Variants in AGBL4 observed in about 807,000 individuals in gnomAD.
AGBL4 encodes cytosolic carboxypeptidase 6.
A neutral mutation model predicts 66.4 loss-of-function variants in AGBL4; 58 were observed. The observed-to-expected ratio is 0.87, with a 90% CI of 0.71 to 1.09. The LOEUF is 1.09. Among genes scored for constraint, AGBL4 ranks in the 50% least tolerant of loss-of-function variants. The probability of loss-of-function intolerance (pLI) is 0.00; values close to 1 mark genes in which losing one functional copy is unlikely to be tolerated. For synonymous variants in AGBL4, 234 were observed against 222.9 expected (o/e 1.05, Z -0.44); for missense variants, 579 against 631.0 (o/e 0.92, Z 0.88).
At chr1:49,762,964 G>A (rs534154408) in intron 2 of AGBL4, among the ~76,000 whole-genome samples, 24 of 152,092 alleles carry the variant, frequency 1.6e-4, no homozygotes, top group Non-Finnish European at 2.2e-4. Context: ...CCAGCCCAGC[G>A]TCATAAAGTA....
intron 3 of AGBL4, among the ~76,000 whole-genome samples, chr1:49,466,785 A>C (rs978754337): frequency 4.0e-5 from 6 of 151,756 alleles, no homozygotes; most frequent in African/African-American, 1.5e-4. Flanking sequence ...AGAAAGACTT[A>C]ATTACTTCTG....
chr1:49,807,034 G>A (rs192569276), intron 2 of AGBL4, among the ~76,000 whole-genome samples: 1 of 152,296 alleles, frequency 6.6e-6, no homozygotes, highest in Admixed American at 6.5e-5. Context: ...AGATTTTGGA[G>A]GATGGAGCCT....
At chr1:49,489,489 C>T (rs1647143017) in intron 3 of AGBL4, among the ~76,000 whole-genome samples, 1 of 151,698 alleles carries the variant, frequency 6.6e-6, no homozygotes, top group Admixed American at 6.6e-5. Context: ...TGGTTTCCCT[C>T]TCCACTTTCT....
intron 4 of AGBL4, among the ~76,000 whole-genome samples, chr1:49,132,622 T>A (rs1462185717): frequency 6.6e-6 from 1 of 152,154 alleles, no homozygotes; most frequent in Non-Finnish European, 1.5e-5. Flanking sequence ...TTTGCCTTCA[T>A]GATACAGATC....
intron 9 of AGBL4, among the ~76,000 whole-genome samples, chr1:48,596,885 C>T (rs1645002429): frequency 6.6e-6 from 1 of 152,074 alleles, no homozygotes; most frequent in African/African-American, 2.4e-5. Flanking sequence ...AAGGAACAAC[C>T]ACGTAAGAAA....
intron 3 of AGBL4, among the ~76,000 whole-genome samples, chr1:49,420,041 A>G (rs1645509595): frequency 6.6e-6 from 1 of 152,188 alleles, no homozygotes; most frequent in Non-Finnish European, 1.5e-5. Flanking sequence ...TATAAACACA[A>G]TGAAGTTTAA....
chr1:48,802,448 T>C (rs1272379983), intron 6 of AGBL4, among the ~76,000 whole-genome samples: 2 of 152,022 alleles, frequency 1.3e-5, no homozygotes, highest in Non-Finnish European at 2.9e-5. Flanking sequence ...TCTGGGCTTC[T>C]GGGGACAGAA....
chr1:49,461,310 G>A (rs1357272405), intron 3 of AGBL4, among the ~76,000 whole-genome samples: 1 of 151,094 alleles, frequency 6.6e-6, no homozygotes, highest in East Asian at 2.0e-4. Context: ...TTCTTTTTTT[G>A]TCTTTGATGG....
chr1:49,691,727 C>T (rs1646890749), intron 3 of AGBL4, among the ~76,000 whole-genome samples: 2 of 152,004 alleles, frequency 1.3e-5, no homozygotes, highest in South Asian at 2.1e-4. Context: ...GAAAGGCAGA[C>T]CCACCCTTAA....
At chr1:49,259,336 G>T (rs370567314) in intron 3 of AGBL4, among the ~76,000 whole-genome samples, 160 of 152,152 alleles carry the variant, frequency 1.1e-3, no homozygotes, top group Admixed American at 4.8e-3. Context: ...TGGACTAAAT[G>T]CTCCAATTAA....
At chr1:48,802,606 G>C (rs1645835135) in intron 6 of AGBL4, among the ~76,000 whole-genome samples, 1 of 152,084 alleles carries the variant, frequency 6.6e-6, no homozygotes, top group Non-Finnish European at 1.5e-5. Context: ...AGTATGCTGG[G>C]GGCTTCACAT....
chr1:49,747,933 AGTGTGTGTGTTTGTGT>A (rs1161790744), intron 2 of AGBL4, among the ~76,000 whole-genome samples: 2 of 114,224 alleles, frequency 1.8e-5, no homozygotes, highest in Admixed American at 1.9e-4. Context: ...CAATAAAAGG[AGTGTGTGTGTTTGTGT>A]GTGTGTGTGT....
At chr1:49,852,920 C>G (rs1386270235) in intron 1 of AGBL4, among the ~76,000 whole-genome samples, 2 of 151,546 alleles carry the variant, frequency 1.3e-5, no homozygotes, top group African/African-American at 4.8e-5. Flanking sequence ...TGAAGATAAC[C>G]ATAGCAACAA....
At chr1:48,918,521 G>A (rs1026482581) in intron 5 of AGBL4, among the ~76,000 whole-genome samples, 3 of 152,156 alleles carry the variant, frequency 2.0e-5, no homozygotes, top group Non-Finnish European at 4.4e-5. Flanking sequence ...ATGAAGCAGG[G>A]CCTTTGGGAG....
chr1:49,379,238 T>C (rs1644539073), intron 3 of AGBL4, among the ~76,000 whole-genome samples: 1 of 152,132 alleles, frequency 6.6e-6, no homozygotes, highest in South Asian at 2.1e-4. Flanking sequence ...TTCCCCACTT[T>C]GTAATTTTCT....
intron 10 of AGBL4, among the ~76,000 whole-genome samples, chr1:48,588,582 A>T (rs1166676703): frequency 3.3e-5 from 5 of 152,162 alleles, no homozygotes; most frequent in Non-Finnish European, 5.9e-5. Flanking sequence ...GGCAGGAGAT[A>T]AAGGAAGAAG....
At chr1:48,569,138 T>C (rs1482803535) in intron 11 of AGBL4, among the ~76,000 whole-genome samples, 1 of 152,186 alleles carries the variant, frequency 6.6e-6, no homozygotes, top group East Asian at 1.9e-4. Context: ...AAACCCTATG[T>C]CTAGGTTATA....
Position 49,619,755 on chromosome 1 carries a change from A to C in AGBL4, c.282+77558T>G, listed in dbSNP as rs535542453. Among the ~76,000 whole-genome samples the C allele has an allele frequency of 2.0e-5, 3 of 152,296 alleles. No individual in the cohort carries two copies. The East Asian group carries it at 5.8e-4, about 29-fold the overall frequency. On this transcript the variant is annotated intron_variant, in intron 3 of 13. Transcript: ENST00000371839. ...ACTACAGTAACCCAAACAGCATGGT[A>C]CTGGTACCAAAACAGATGTATAGAT... is the stretch of plus-strand genomic sequence containing the variant.
chr1:48,674,950 C>T (rs1372635780), intron 6 of AGBL4, among the ~76,000 whole-genome samples: 2 of 152,140 alleles, frequency 1.3e-5, no homozygotes, highest in Admixed American at 6.5e-5. Context: ...CTTTCTGTCC[C>T]GCTTTTCCCC....
Sources: gnomAD v4.1 joint callset for allele counts (sites outside exome capture counted in the v4.1 genomes callset) on GRCh38, gnomAD v4.1.1 for gene constraint, MANE v1.5 for transcripts, NCBI Gene and HGNC (gene_info 2026-07-23, HGNC 2026-07-21) for gene names.